The following ANO4 variants were observed in gnomAD, a reference collection of about 807,000 sequenced individuals.
ANO4 encodes anoctamin-4.
Under a neutral mutation model 141.9 loss-of-function variants are expected in ANO4, and 69 were observed. That is an observed-to-expected ratio of 0.49 (90% CI 0.40 to 0.59). The LOEUF (loss-of-function observed/expected upper bound fraction) is 0.59. ANO4 is among the 20% of genes least tolerant of loss of function. ANO4 has a pLI of 0.00. For missense variants in ANO4, 894 were observed against 1,162.2 expected (o/e 0.77, Z 3.36); for synonymous variants, 350 against 394.3 (o/e 0.89, Z 1.33).
In ANO4 at chr12:100,987,617, C is replaced by T; in HGVS notation, c.681C>T (p.Asp227=). 3 of 1,614,076 alleles carry T rather than the reference C, an allele frequency of 1.9e-6. No individual in the cohort carries two copies. Among genetic ancestry groups the T allele is most frequent in the Non-Finnish European group, 2.5e-6 (3 of 1,179,996 alleles). The change falls in exon 8 of 28, where the codon GAC becomes GAT. Residue 227 remains aspartate (D), a synonymous_variant. Transcript: ENST00000392977. ...GGCTGGACAAGGAGACACTGCCAGA[C>T]CTGGAGGAGAATGACTGCTACACTG... The part of the protein sequence containing the change: ...PMRLDKETLP[D]LEENDCYTAP...
At chr12:100,823,365 G>A (rs1429612096) in intron 1 of ANO4, among the ~76,000 whole-genome samples, 1 of 151,972 alleles carries the variant, frequency 6.6e-6, no homozygotes, top group Non-Finnish European at 1.5e-5. Flanking sequence ...AGAAAGAAAA[G>A]GATTGGTAAA....
chr12:100,927,282 G>A (rs4764630), intron 3 of ANO4, among the ~76,000 whole-genome samples: 32,948 of 152,008 alleles, frequency 0.22, 4,502 homozygotes, highest in Middle Eastern at 0.4. Flanking sequence ...GGTGGAATGG[G>A]AACTTGCAGA....
Position 100,739,881 on chromosome 12 carries a change from T to G in ANO4, c.134T>G (p.Ile45Ser), listed in dbSNP as rs1159250444. The G allele has an allele frequency of 8.5e-6, 6 of 702,434 alleles. No individual in the cohort carries two copies. In the African/African-American group the frequency reaches 1.0e-4, roughly 12 times the overall value. The allele number at this position is 702,434 out of a possible 1,614,324, so 43.5% of individuals were successfully genotyped here. ...TATGACGTTGCGGGGCCTGTGGCAATTGGGCTTACCCACTGGAAAAATCCA... is the reference window on the plus strand; with the variant it reads ...TATGACGTTGCGGGGCCTGTGGCAAGTGGGCTTACCCACTGGAAAAATCCA... The change falls in exon 3 of 30, where the codon ATT becomes AGT. Residue 45 changes from isoleucine (I) to serine (S), a missense_variant. Ile to Ser is a moderately radical substitution (Grantham distance 142, BLOSUM62 -2). Coordinates refer to the ANO4 transcript ENST00000644049.
intron 14 of ANO4, chr12:101,067,068 A>C (rs1457256604): frequency 2.3e-6 from 1 of 434,692 alleles, no homozygotes; most frequent in African/African-American, 2.0e-5. Flanking sequence ...AAAATCAAAT[A>C]AGCTAGTTCT....
intron 3 of ANO4, among the ~76,000 whole-genome samples, chr12:100,934,808 T>A (rs1017386985): frequency 6.6e-6 from 1 of 152,218 alleles, no homozygotes; most frequent in African/African-American, 2.4e-5. Context: ...GTCCTTCACA[T>A]CCCTTGTAAG....
chr12:100,743,498 G>T (rs1385870566), intron 3 of ANO4, among the ~76,000 whole-genome samples: 2 of 151,730 alleles, frequency 1.3e-5, no homozygotes, highest in Non-Finnish European at 2.9e-5. Context: ...TATAAGCTTT[G>T]GTTTAAGAGA....
chr12:101,073,944 T>G (rs977121298), intron 14 of ANO4, among the ~76,000 whole-genome samples: 2 of 152,102 alleles, frequency 1.3e-5, no homozygotes, highest in East Asian at 3.9e-4. Context: ...GAGGTGAAGG[T>G]AGAAAATGGA....
intron 8 of ANO4, among the ~76,000 whole-genome samples, chr12:101,015,287 C>T (rs1449840302): frequency 6.6e-6 from 1 of 152,198 alleles, no homozygotes; most frequent in Non-Finnish European, 1.5e-5. Flanking sequence ...TCATTCTGTG[C>T]ATGCACAAGC....
At chr12:100,965,631 A>G (rs934631354) in intron 5 of ANO4, among the ~76,000 whole-genome samples, 1 of 151,732 alleles carries the variant, frequency 6.6e-6, no homozygotes, top group Non-Finnish European at 1.5e-5. Flanking sequence ...ACAATGTTCA[A>G]TCACCCCAGC....
intron 1 of ANO4, among the ~76,000 whole-genome samples, chr12:100,881,222 C>T (rs1264784895): frequency 6.6e-6 from 1 of 151,572 alleles, no homozygotes; most frequent in Non-Finnish European, 1.5e-5. Context: ...CAACATGGCA[C>T]ATGTATACAT....
chr12:100,986,153 T>C (rs1422128876), intron 7 of ANO4, among the ~76,000 whole-genome samples: 1 of 152,108 alleles, frequency 6.6e-6, no homozygotes, highest in African/African-American at 2.4e-5. Context: ...TGCTCCTGGT[T>C]CTCTGGCCTT....
intron 26 of ANO4, among the ~76,000 whole-genome samples, chr12:101,126,421 T>C (rs1197006131): frequency 6.6e-6 from 1 of 152,230 alleles, no homozygotes; most frequent in Admixed American, 6.5e-5. Flanking sequence ...ATAATTCTTA[T>C]AACCAAGATT....
chr12:100,820,713 A>C (rs114468174), intron 1 of ANO4, among the ~76,000 whole-genome samples: 1 of 152,160 alleles, frequency 6.6e-6, no homozygotes, highest in Admixed American at 6.5e-5. Flanking sequence ...TACCTCCACC[A>C]GTGGGTTTCA....
intron 14 of ANO4, among the ~76,000 whole-genome samples, chr12:101,072,520 A>G (rs2048855459): frequency 6.6e-6 from 1 of 152,230 alleles, no homozygotes; most frequent in South Asian, 2.1e-4. Flanking sequence ...CATTCAGGTC[A>G]TAGGCATGGG....
intron 2 of ANO4, among the ~76,000 whole-genome samples, chr12:100,915,842 T>C (rs1004704984): frequency 2.6e-5 from 4 of 152,194 alleles, no homozygotes; most frequent in African/African-American, 9.7e-5. Context: ...AAAAGTAGCA[T>C]TCAAATCCAG....
chr12:100,799,481 G>T (rs2034548770), intron 1 of ANO4, among the ~76,000 whole-genome samples: 1 of 152,210 alleles, frequency 6.6e-6, no homozygotes, highest in South Asian at 2.1e-4. Context: ...GGTGGCCCAT[G>T]CCTGTAAATC....
chr12:100,967,326 G>A (rs1051976695), intron 5 of ANO4, among the ~76,000 whole-genome samples: 5 of 151,980 alleles, frequency 3.3e-5, no homozygotes, highest in Non-Finnish European at 5.9e-5. Flanking sequence ...TATGTGGCAA[G>A]GAATACTTAA....
At chr12:100,951,630 C>T (rs575611425) in intron 5 of ANO4, among the ~76,000 whole-genome samples, 5 of 152,128 alleles carry the variant, frequency 3.3e-5, no homozygotes, top group East Asian at 1.9e-4. Context: ...GGGAGCTGAA[C>T]GATGAGAACA....
At chr12:100,912,406 A>AG (rs1566000883) in intron 2 of ANO4, among the ~76,000 whole-genome samples, 7 of 101,026 alleles carry the variant, frequency 6.9e-5, no homozygotes, top group Admixed American at 2.1e-4. Context: ...AAAAAAAAAA[A>AG]AAAGAAAAAA....
Sources: gnomAD v4.1 joint callset for allele counts (sites outside exome capture counted in the v4.1 genomes callset) on GRCh38, gnomAD v4.1.1 for gene constraint, MANE v1.5 for transcripts, NCBI Gene and HGNC (gene_info 2026-07-23, HGNC 2026-07-21) for gene names.